TENM4: variants seen among roughly 807,000 people sequenced by gnomAD.
The protein encoded by TENM4 is teneurin-4.
In TENM4, 82 loss-of-function variants were observed where a neutral mutation model predicts 243.3. That is an observed-to-expected ratio of 0.34 (90% confidence interval 0.28 to 0.40). TENM4 has a LOEUF of 0.40. Among genes scored for constraint, TENM4 ranks in the 10% least tolerant of loss-of-function variants. The pLI is 1.00. For synonymous variants in TENM4, 1,412 were observed against 1,456.3 expected, an observed-to-expected ratio of 0.97 and a Z score of 0.69; for missense variants, 3,138 against 3,673.3, an observed-to-expected ratio of 0.85 and a Z score of 3.77.
intron 3 of TENM4, among the ~76,000 whole-genome samples, chr11:79,210,246 T>A (rs1863931785): frequency 6.6e-6 from 1 of 152,170 alleles, no homozygotes; most frequent in South Asian, 2.1e-4. Flanking sequence ...CATGTAATAA[T>A]CTCTGTCACC....
chr11:78,849,766 T>C (rs548667774), intron 12 of TENM4, among the ~76,000 whole-genome samples: 1 of 152,360 alleles, frequency 6.6e-6, no homozygotes, highest in Admixed American at 6.5e-5. Context: ...TTTACTCATC[T>C]GCAATAGGGA....
intron 2 of TENM4, among the ~76,000 whole-genome samples, chr11:79,288,394 C>A (rs1856294437): frequency 6.6e-6 from 1 of 152,244 alleles, no homozygotes; most frequent in Non-Finnish European, 1.5e-5. Flanking sequence ...CCCCAGCTCA[C>A]CCACTGGGGT....
At chr11:79,177,945 G>T (rs541481695) in intron 3 of TENM4, among the ~76,000 whole-genome samples, 114 of 152,152 alleles carry the variant, frequency 7.5e-4, no homozygotes, top group Non-Finnish European at 1.3e-3. Flanking sequence ...GCAGAGGAGT[G>T]ATGTGAACAG....
intron 12 of TENM4, among the ~76,000 whole-genome samples, chr11:78,818,632 G>A (rs1339910293): frequency 6.6e-6 from 1 of 152,160 alleles, no homozygotes; most frequent in Non-Finnish European, 1.5e-5. Context: ...CAAATAATGA[G>A]TCTCCACTGA....
At chr11:78,880,457 T>TAAAAAAAAAAAAAAAAAAAAA (rs71763484) in intron 9 of TENM4, among the ~76,000 whole-genome samples, 1 of 104,646 alleles carries the variant, frequency 9.6e-6, no homozygotes, top group Admixed American at 8.4e-5. Flanking sequence ...CAATAAATAC[T>TAAAAAAAAAAAAAAAAAAAAA]AAAAAAAAAA....
At position 78,726,235 on chromosome 11, in the gene TENM4, G is replaced by C. The variant is rs758800326; in HGVS notation, c.3407-13C>G. On this transcript the variant is annotated splice_polypyrimidine_tract_variant and intron_variant, in intron 22 of 33. Transcript: ENST00000278550. ...TAACCCACGGAAACTGTAGGTGACA[G>C]AATGAGGCAAAATGCATAAGTGAGC... The C allele has an allele frequency of 2.5e-6, 4 of 1,613,096 alleles. No homozygotes were observed. In the South Asian group the frequency reaches 4.4e-5, roughly 18 times the overall value.
At chr11:79,179,420 A>C (rs1863238286) in intron 3 of TENM4, among the ~76,000 whole-genome samples, 1 of 152,240 alleles carries the variant, frequency 6.6e-6, no homozygotes, top group Admixed American at 6.5e-5. Flanking sequence ...ACAGAGTCCC[A>C]ACAAAGTCAG....
At chr11:79,335,123 G>A (rs988450821) in intron 1 of TENM4, among the ~76,000 whole-genome samples, 2 of 152,080 alleles carry the variant, frequency 1.3e-5, no homozygotes, top group Non-Finnish European at 2.9e-5. Flanking sequence ...TTTCCTTTTC[G>A]AGTGGGAGCT....
At chr11:79,305,827 A>G (rs926529582) in intron 1 of TENM4, among the ~76,000 whole-genome samples, 1 of 152,224 alleles carries the variant, frequency 6.6e-6, no homozygotes, top group African/African-American at 2.4e-5. Context: ...TCTAGGCCCA[A>G]GGAAAGTGTC....
Position 79,064,785 on chromosome 11 carries a change from T to C in TENM4, c.446A>G (p.Asn149Ser), listed in dbSNP as rs1591254368. 4 of 1,551,546 alleles carry C rather than the reference T, an allele frequency of 2.6e-6. No homozygotes were observed. The highest frequency in any genetic ancestry group is 1.7e-6 in the Non-Finnish European group (2 of 1,147,004). Reference protein sequence around the residue: ...GRSSCLSSRANSNLTLTDTEH... With the variant: ...GRSSCLSSRASSNLTLTDTEH... Reference sequence around the variant, plus strand: ...GGTGTCGGTGAGTGTGAGATTGGAATTGGCCCGGCTGGACAGGCAGGAGCT... The same window carrying C: ...GGTGTCGGTGAGTGTGAGATTGGAACTGGCCCGGCTGGACAGGCAGGAGCT... Residue 149 changes from asparagine (N) to serine (S), a missense_variant, in exon 6 of 34, where the codon AAT (asparagine) becomes AGT (serine). By Grantham distance (46) the Asn-to-Ser change is conservative. Coordinates refer to ENST00000278550, the MANE Select transcript of TENM4 (RefSeq NM_001098816.3).
intron 15 of TENM4, among the ~76,000 whole-genome samples, chr11:78,802,871 T>G (rs1310042130): frequency 1.3e-5 from 2 of 152,234 alleles, no homozygotes; most frequent in Non-Finnish European, 2.9e-5. Context: ...GGATAGAGAT[T>G]TAAAAATTAG....
intron 4 of TENM4, among the ~76,000 whole-genome samples, chr11:79,079,817 G>A (rs1185985981): frequency 1.4e-5 from 2 of 138,592 alleles, no homozygotes. Flanking sequence ...GAGCAACACA[G>A]TGACACTTTG....
intron 6 of TENM4, among the ~76,000 whole-genome samples, chr11:78,947,775 C>G (rs1857031339): frequency 6.6e-6 from 1 of 151,924 alleles, no homozygotes; most frequent in Non-Finnish European, 1.5e-5. Flanking sequence ...TGGGGTGGAG[C>G]TCCCTACACT....
chr11:78,965,193 C>G (rs1282533429), intron 6 of TENM4, among the ~76,000 whole-genome samples: 3 of 152,034 alleles, frequency 2.0e-5, no homozygotes, highest in African/African-American at 4.8e-5. Flanking sequence ...GTCCACCCAC[C>G]ACCCCTACCT....
At chr11:79,164,957 A>ATGTGTGTGTGTG (rs369197845) in intron 3 of TENM4, among the ~76,000 whole-genome samples, 2 of 139,862 alleles carry the variant, frequency 1.4e-5, no homozygotes, top group Non-Finnish European at 3.1e-5. Context: ...CTATATATAT[A>ATGTGTGTGTGTG]TGTGTGTGTG....
intron 2 of TENM4, among the ~76,000 whole-genome samples, chr11:79,216,545 G>A (rs1473705047): frequency 1.3e-5 from 2 of 152,208 alleles, no homozygotes; most frequent in Non-Finnish European, 2.9e-5. Context: ...TGGGAGGTAG[G>A]GATTAATGGA....
intron 6 of TENM4, among the ~76,000 whole-genome samples, chr11:78,990,211 A>G (rs1858008946): frequency 6.6e-6 from 1 of 152,222 alleles, no homozygotes; most frequent in Non-Finnish European, 1.5e-5. Context: ...TAGCTGAAGA[A>G]GCATGGGTCA....
intron 6 of TENM4, among the ~76,000 whole-genome samples, chr11:78,934,027 A>T (rs1856728330): frequency 6.6e-6 from 1 of 152,174 alleles, no homozygotes; most frequent in East Asian, 1.9e-4. Context: ...ACTGTTAGGA[A>T]TTTTAAAATA....
intron 9 of TENM4, among the ~76,000 whole-genome samples, chr11:78,888,738 A>G (rs4945313): frequency 0.51 from 77,589 of 152,124 alleles, 23,968 homozygotes; most frequent in East Asian, 0.78. Flanking sequence ...GGCCTCTGCC[A>G]GTTAGTTCTA....
Sources: gnomAD v4.1 joint callset for allele counts (sites outside exome capture counted in the v4.1 genomes callset) on GRCh38, gnomAD v4.1.1 for gene constraint, MANE v1.5 for transcripts, NCBI Gene and HGNC (gene_info 2026-07-23, HGNC 2026-07-21) for gene names.